Variants in ZNF350 observed in about 807,000 individuals in gnomAD.
ZNF350 encodes zinc finger protein 350.
In ZNF350, 5 loss-of-function variants were observed where a neutral mutation model predicts 13.1. The observed-to-expected ratio is 0.38, with a 90% confidence interval of 0.20 to 0.80. ZNF350 has a LOEUF of 0.80. Ranked by LOEUF, ZNF350 falls within the 30% of genes least tolerant of loss-of-function variation. The pLI, the probability that ZNF350 is intolerant of heterozygous loss-of-function variation, is 0.43. For synonymous variants in ZNF350, 199 were observed against 224.2 expected, an observed-to-expected ratio of 0.89 and a Z score of 1.00; for missense variants, 534 against 644.2, an observed-to-expected ratio of 0.83 and a Z score of 1.85.
chr19:51,966,637 A>ATTTTTTTTT (rs1157720937), intron 4 of ZNF350, among the ~76,000 whole-genome samples: 1 of 139,654 alleles, frequency 7.2e-6, no homozygotes, highest in African/African-American at 2.7e-5. Flanking sequence ...CAGCCAAAGT[A>ATTTTTTTTT]TTTTTTGTTG....
At chr19:51,967,682 G>T in intron 4 of ZNF350, among the ~76,000 whole-genome samples, 1 of 152,128 alleles carries the variant, frequency 6.6e-6, no homozygotes, top group East Asian at 1.9e-4. Flanking sequence ...GGAAGTAGGC[G>T]GGAGTTGAGA....
intron 4 of ZNF350, among the ~76,000 whole-genome samples, chr19:51,966,969 G>A (rs1270010373): frequency 6.6e-6 from 1 of 152,002 alleles, no homozygotes; most frequent in African/African-American, 2.4e-5. Context: ...TTTTTTTAAT[G>A]CCTTGATGTG....
At chr19:51,981,776 C>T (rs987611685) in intron 1 of ZNF350, 8 of 152,092 alleles carry the variant, frequency 5.3e-5, no homozygotes, top group Admixed American at 6.6e-5. Flanking sequence ...TAGAAATACA[C>T]CATATGTATA....
Position 51,965,238 on chromosome 19 carries a change from G to A in ZNF350, c.1215C>T (p.Asn405=), listed in dbSNP as rs759806410. 4.5e-5 allele frequency: 72 copies of A among 1,613,990 alleles called. No individual in the cohort carries two copies. Among genetic ancestry groups the A allele is most frequent in the Middle Eastern group, 1.6e-4 (1 of 6,084 alleles). The part of the protein sequence containing the change: ...THTGERPYGC[N]ECGKAFAYMS... ...TATACGCAAACGCTTTCCCACACTC[G>A]TTACAGCCATAGGGTCTCTCTCCTG... Residue 405 remains asparagine (N), a synonymous_variant, in exon 5 of 5, where the codon AAC becomes AAT. Transcript: ENST00000243644.
At position 51,976,687 on chromosome 19, in the gene ZNF350, G is replaced by C. The variant is rs930292832; in HGVS notation, c.-171-2156C>G. ...CTATTGAAGAAAAACATTATGTGCA[G>C]TTGCTTAAAGTTCTGTTGAGACAGT... is the stretch of plus-strand genomic sequence containing the variant. On this transcript the variant is annotated intron_variant, in intron 1 of 4. Transcript: ENST00000243644. The surrounding 1 kb of genome is among the most constrained non-coding windows in gnomAD (Gnocchi z 4.5). 1 of 152,192 alleles carries C rather than the reference G, an allele frequency of 6.6e-6. No individual in the cohort carries two copies. Among genetic ancestry groups the C allele is most frequent in the African/African-American group, 2.4e-5 (1 of 41,442 alleles). 9.4% of individuals were successfully genotyped at this position (152,192 alleles called of 1,614,324 possible).
intron 1 of ZNF350, among the ~76,000 whole-genome samples, chr19:51,985,418 G>A (rs1268311491): frequency 6.6e-6 from 1 of 152,142 alleles, no homozygotes; most frequent in Non-Finnish European, 1.5e-5. Context: ...CACGAACATG[G>A]AAAAAGAGAT....
chr19:51,976,779 C>A lies in ZNF350; in HGVS notation c.-171-2248G>T, dbSNP rs1490455837. ...AGCCACAAAAGGTTATTACACATAA[C>A]CCATCGTTTCCACAGGCAGGCACTC... On this transcript the variant is annotated intron_variant, in intron 1 of 4. Coordinates refer to ENST00000243644, the MANE Select transcript of ZNF350 (RefSeq NM_021632.4). The surrounding 1 kb of genome is among the most constrained non-coding windows in gnomAD (Gnocchi z 4.5). The A allele has an allele frequency of 6.6e-6, 1 of 152,162 alleles. No individual in the cohort carries two copies. Among genetic ancestry groups the A allele is most frequent in the Non-Finnish European group, 1.5e-5 (1 of 68,020 alleles). The allele number at this position is 152,162 out of a possible 1,614,324, so 9.4% of individuals were successfully genotyped here.
intron 1 of ZNF350, among the ~76,000 whole-genome samples, chr19:51,978,215 A>T (rs1372566133): frequency 6.6e-6 from 1 of 152,146 alleles, no homozygotes; most frequent in Non-Finnish European, 1.5e-5. Context: ...CTGGAGGCAC[A>T]TTGATTCCCT....
chr19:51,965,694 C>G lies in ZNF350; in HGVS notation c.759G>C (p.Gln253His). ...AAGGTTTTTCTCCTGTATGAGTTCG[C>G]TGATGTTCAGTAAGCATGAACTTTC... ...FSRKFMLTEH[Q>H]RTHTGEKPYE... The change falls in exon 5 of 5, where the codon CAG (glutamine) becomes CAC (histidine). Residue 253 changes from glutamine to histidine, a missense_variant. Physicochemically the swap from Gln to His is conservative, Grantham distance 24 (BLOSUM62 0). Transcript: ENST00000243644. 1 of 1,614,180 alleles carries G rather than the reference C, an allele frequency of 6.2e-7. No individual in the cohort carries two copies. The highest frequency in any genetic ancestry group is 2.2e-5 in the East Asian group (1 of 44,876).
chr19:51,978,867 CAA>C (rs367762411), intron 1 of ZNF350, among the ~76,000 whole-genome samples: 5 of 152,240 alleles, frequency 3.3e-5, no homozygotes, highest in African/African-American at 9.6e-5. Context: ...AGGAAAAAAG[CAA>C]AGTTTATCTG....
chr19:51,968,618 C>T lies in ZNF350; in HGVS notation c.198G>A (p.Leu66=), dbSNP rs2085643447. 6.2e-7 allele frequency: 1 copy of T among 1,614,126 alleles called. No individual in the cohort carries two copies. The change falls in exon 4 of 5, where the codon CTG becomes CTA. Residue 66 remains leucine (L), a synonymous_variant. Transcript: ENST00000243644. Reference sequence around the variant, plus strand: ...TGTGGATTCCATCTTCAATTGTCCACAGTTGTTCTCCTTGTTCCAACTTGA... The same window carrying T: ...TGTGGATTCCATCTTCAATTGTCCATAGTTGTTCTCCTTGTTCCAACTTGA... The part of the protein sequence containing the change: ...ALFKLEQGEQ[L]WTIEDGIHSG...
At chr19:51,979,223 CCT>C (rs1456935033) in intron 1 of ZNF350, among the ~76,000 whole-genome samples, 4 of 152,252 alleles carry the variant, frequency 2.6e-5, no homozygotes, top group East Asian at 1.9e-4. Context: ...AGGCAAAACC[CCT>C]GATTCCATGC....
chr19:51,981,115 T>C (rs7260641), intron 1 of ZNF350: 11,836 of 152,250 alleles, frequency 0.078, 544 homozygotes, highest in South Asian at 0.23. Flanking sequence ...GAATACAGGA[T>C]GTGAGCAAAC....
At position 51,964,883 on chromosome 19, in the gene ZNF350, CAT is replaced by C; in HGVS notation, c.1568_1569del (p.Tyr523CysfsTer41). 6.2e-7 allele frequency: 1 copy of C among 1,612,358 alleles called. No homozygotes were observed. Among genetic ancestry groups the C allele is most frequent in the Non-Finnish European group, 8.5e-7 (1 of 1,178,610 alleles). On this transcript the variant is annotated frameshift_variant, in exon 5 of 5. Coordinates refer to ENST00000243644, the MANE Select transcript of ZNF350 (RefSeq NM_021632.4). LOFTEE classifies it low-confidence loss of function (END_TRUNC). Reference protein sequence around the residue: ...VNVVVPSVINYVLFYVTENP With the variant: ...VNVVVPSVINXVLFYVTENP The stretch of plus-strand genomic sequence containing the variant: ...GGGTTTTCTGTAACATAAAATAAGA[CAT>C]AATTGATCACGGAAGGCACAACCAC...
chr19:51,980,009 T>C (rs1470172521), intron 1 of ZNF350, among the ~76,000 whole-genome samples: 2 of 152,178 alleles, frequency 1.3e-5, no homozygotes, highest in Middle Eastern at 3.2e-3. Context: ...AACATCTGGA[T>C]TGGAACACTG....
intron 2 of ZNF350, among the ~76,000 whole-genome samples, chr19:51,971,074 A>T (rs1000791238): frequency 1.3e-5 from 2 of 152,184 alleles, no homozygotes; most frequent in Non-Finnish European, 2.9e-5. Context: ...CTTATCAATG[A>T]ATTGTCAATC....
chr19:51,964,856 A>G lies in ZNF350; in HGVS notation c.1597T>C (p.Ter533GlnextTer16), dbSNP rs148736944. Residue 533 changes from the stop codon to glutamine (Q), a stop_lost, in exon 5 of 5, where the codon TAG (stop) becomes CAG (glutamine). Transcript: ENST00000243644. ...YVLFYVTENP* is the reference protein window; with the variant it reads ...YVLFYVTENPQ ...CCACATAGATCTGAGTTTTCTTCCT[A>G]TGGGTTTTCTGTAACATAAAATAAG... is the stretch of plus-strand genomic sequence containing the variant. 408 of 1,604,214 alleles carry G rather than the reference A, an allele frequency of 2.5e-4. 3 individuals are homozygous for G. The East Asian group carries it at 6.0e-3, about 24-fold the overall frequency.
At chr19:51,975,417 G>A (rs1205792409) in intron 1 of ZNF350, among the ~76,000 whole-genome samples, 5 of 95,490 alleles carry the variant, frequency 5.2e-5, no homozygotes, top group South Asian at 3.7e-4. Flanking sequence ...CAAAAAGAGC[G>A]AAACCTCGTC....
At chr19:51,985,537 T>C (rs2086143058) in intron 1 of ZNF350, among the ~76,000 whole-genome samples, 1 of 152,220 alleles carries the variant, frequency 6.6e-6, no homozygotes, top group Non-Finnish European at 1.5e-5. Flanking sequence ...CTCATTTCCA[T>C]GTCAAACCTA....
Sources: allele counts gnomAD v4.1 joint callset (sites outside exome capture counted in the v4.1 genomes callset), GRCh38; gene constraint gnomAD v4.1.1; non-coding constraint Gnocchi (gnomAD v3.1); transcripts MANE v1.5; gene names NCBI Gene and HGNC (gene_info 2026-07-23, HGNC 2026-07-21).